The following BFSP2 variants were observed in gnomAD, a reference collection of about 807,000 sequenced individuals.
BFSP2 encodes the protein beaded filament structural protein 2.
In BFSP2, 38 loss-of-function variants were observed where a neutral mutation model predicts 44.9. The ratio of observed to expected loss-of-function variants is 0.85; its 90% CI spans 0.65 to 1.11. BFSP2 has a LOEUF of 1.11. BFSP2 is among the 50% of genes least tolerant of loss of function. The pLI, the probability that BFSP2 is intolerant of heterozygous loss-of-function variation, is 0.00. For missense variants in BFSP2, 525 were observed against 533.0 expected (o/e 0.99, Z 0.15); for synonymous variants, 197 against 209.9 (o/e 0.94, Z 0.53).
At chr3:133,439,431 G>C (rs1310264534) in intron 1 of BFSP2, among the ~76,000 whole-genome samples, 1 of 152,238 alleles carries the variant, frequency 6.6e-6, no homozygotes, top group Non-Finnish European at 1.5e-5. Context: ...ATGAGAGACT[G>C]TCCCTGATCC....
chr3:133,423,081 A>T (rs893980864), intron 1 of BFSP2, among the ~76,000 whole-genome samples: 6 of 152,186 alleles, frequency 3.9e-5, no homozygotes, highest in African/African-American at 1.4e-4. Flanking sequence ...ATTATTTCTG[A>T]ACCTAAAACC....
intron 1 of BFSP2, among the ~76,000 whole-genome samples, chr3:133,418,544 C>T (rs2073565581): frequency 6.6e-6 from 1 of 152,152 alleles, no homozygotes; most frequent in African/African-American, 2.4e-5. Flanking sequence ...AGGCCAGGAA[C>T]GTCTCCAGGG....
At chr3:133,432,317 T>C (rs1435124953) in intron 1 of BFSP2, among the ~76,000 whole-genome samples, 2 of 152,222 alleles carry the variant, frequency 1.3e-5, no homozygotes, top group African/African-American at 4.8e-5. Flanking sequence ...CGGTACACCC[T>C]TTCGTCCTCA....
intron 1 of BFSP2, among the ~76,000 whole-genome samples, chr3:133,413,535 G>T (rs1485664317): frequency 6.6e-6 from 1 of 152,078 alleles, no homozygotes; most frequent in Admixed American, 6.5e-5. Flanking sequence ...GTTACTCAGG[G>T]TCCCCAGCGC....
chr3:133,400,665 A>T lies in BFSP2; in HGVS notation c.489+93A>T. ...GGTTGTGAGTAGGCTGAGGCCAGAG[A>T]AACTGACCATAATCCCCTACACTTT... On this transcript the variant is annotated intron_variant, in intron 1 of 6. Coordinates refer to ENST00000302334, the MANE Select transcript of BFSP2 (RefSeq NM_003571.4). The surrounding 1 kb of genome is among the most constrained non-coding windows in gnomAD (Gnocchi z 4.0). 6.6e-7 allele frequency: 1 copy of T among 1,519,200 alleles called. No individual in the cohort carries two copies. Among genetic ancestry groups the T allele is most frequent in the Non-Finnish European group, 8.9e-7 (1 of 1,124,022 alleles). The allele number at this position is 1,519,200 out of a possible 1,614,324, so 94.1% of individuals were successfully genotyped here. A position where few individuals can be genotyped will look rare whatever the true frequency, so the allele number is the denominator to read the frequency against.
chr3:133,435,659 G>C (rs1170956326), intron 1 of BFSP2, among the ~76,000 whole-genome samples: 1 of 152,194 alleles, frequency 6.6e-6, no homozygotes, highest in Non-Finnish European at 1.5e-5. Flanking sequence ...TGAACCAATG[G>C]ATATGTTTAT....
intron 1 of BFSP2, among the ~76,000 whole-genome samples, chr3:133,434,744 T>C (rs374012073): frequency 1.3e-5 from 2 of 152,308 alleles, no homozygotes; most frequent in African/African-American, 4.8e-5. Context: ...TCCTGGCTCA[T>C]CCTGGCTCAA....
chr3:133,475,203 C>T lies in BFSP2; in HGVS notation c.*231C>T, dbSNP rs1158206020. 28 of 626,198 alleles carry T rather than the reference C, an allele frequency of 4.5e-5. 1 individual carries two copies. In the East Asian group the frequency reaches 5.5e-4, roughly 12 times the overall value. 38.8% of individuals were successfully genotyped at this position (626,198 alleles called of 1,614,324 possible). On this transcript the variant is annotated 3_prime_UTR_variant, in exon 7 of 7. Coordinates refer to ENST00000302334, the MANE Select transcript of BFSP2 (RefSeq NM_003571.4). ...CTTCAAATAAATGCTTTGTGCGCAG[C>T]GTCCAGTTTGCCCACCTTGTTCAAC...
At position 133,400,679 on chromosome 3, in the gene BFSP2, C is replaced by A; in HGVS notation, c.489+107C>A. On this transcript the variant is annotated intron_variant, in intron 1 of 6. Transcript: ENST00000302334. The surrounding 1 kb of genome is among the most constrained non-coding windows in gnomAD (Gnocchi z 4.0). ...TGAGGCCAGAGAAACTGACCATAAT[C>A]CCCTACACTTTCACACTTAAAATGG... The A allele has an allele frequency of 1.4e-6, 2 of 1,479,642 alleles. No individual in the cohort carries two copies. Among genetic ancestry groups the A allele is most frequent in the Non-Finnish European group, 1.8e-6 (2 of 1,095,770 alleles). 91.7% of individuals were successfully genotyped at this position (1,479,642 alleles called of 1,614,324 possible). A position where few individuals can be genotyped will look rare whatever the true frequency, so the allele number is the denominator to read the frequency against.
At chr3:133,472,288 C>G in intron 5 of BFSP2, 57 bp from the exon 6 acceptor site, 1 of 1,547,816 alleles carries the variant, frequency 6.5e-7, no homozygotes, top group Non-Finnish European at 8.7e-7. Flanking sequence ...GCACACCTCC[C>G]TCTTCAAGGG....
intron 1 of BFSP2, among the ~76,000 whole-genome samples, chr3:133,414,473 T>C (rs2699876): frequency 0.054 from 552 of 10,168 alleles, no homozygotes; most frequent in Middle Eastern, 0.14. Context: ...CTGCCCTCTC[T>C]CCTCTACTCA....
intron 4 of BFSP2, among the ~76,000 whole-genome samples, chr3:133,460,739 G>A (rs894720172): frequency 3.3e-5 from 5 of 152,186 alleles, no homozygotes; most frequent in Admixed American, 6.5e-5. Flanking sequence ...ATTCCCACGG[G>A]ACCATTGTTT....
At chr3:133,418,908 G>C (rs1378562113) in intron 1 of BFSP2, among the ~76,000 whole-genome samples, 1 of 152,186 alleles carries the variant, frequency 6.6e-6, no homozygotes, top group African/African-American at 2.4e-5. Flanking sequence ...AACATACGGG[G>C]CTACCTAGGA....
intron 1 of BFSP2, among the ~76,000 whole-genome samples, chr3:133,403,945 G>C (rs2073382970): frequency 6.6e-6 from 1 of 152,124 alleles, no homozygotes; most frequent in African/African-American, 2.4e-5. Flanking sequence ...AAACTAGGGT[G>C]CCAGGAGGGC....
chr3:133,436,325 CAAAAA>C (rs57060416), intron 1 of BFSP2, among the ~76,000 whole-genome samples: 980 of 78,100 alleles, frequency 0.013, 14 homozygotes, highest in East Asian at 0.11. Flanking sequence ...GACTCTGTCT[CAAAAA>C]AAAAAAAAAA....
At chr3:133,404,838 C>T (rs2073391090) in intron 1 of BFSP2, 1 of 152,214 alleles carries the variant, frequency 6.6e-6, no homozygotes, top group African/African-American at 2.4e-5. Context: ...AAACCTCTCT[C>T]CTCCCACTCC....
rs574282785 is a variant in BFSP2, at chr3:133,462,668, T to A, written c.892-4160T>A. Reference sequence around the variant, plus strand: ...ATGTAACAATTCCCACTGATTTTTTTATATATAATTTTAGAAATAACACAA... The same window carrying A: ...ATGTAACAATTCCCACTGATTTTTTAATATATAATTTTAGAAATAACACAA... On this transcript the variant is annotated intron_variant, in intron 4 of 6. Coordinates refer to ENST00000302334, the MANE Select transcript of BFSP2 (RefSeq NM_003571.4). Among the ~76,000 whole-genome samples the A allele has an allele frequency of 3.3e-5, 5 of 152,378 alleles. No homozygotes were observed. The South Asian group carries it at 1.0e-3, about 32-fold the overall frequency.
chr3:133,453,218 G>A (rs1350288632), intron 4 of BFSP2, among the ~76,000 whole-genome samples: 5 of 152,180 alleles, frequency 3.3e-5, no homozygotes, highest in African/African-American at 1.2e-4. Flanking sequence ...GTGCCCTCAG[G>A]GGCTGACATT....
At chr3:133,418,627 G>A (rs767594432) in intron 1 of BFSP2, among the ~76,000 whole-genome samples, 1 of 152,214 alleles carries the variant, frequency 6.6e-6, no homozygotes, top group East Asian at 1.9e-4. Flanking sequence ...AATGGGCACA[G>A]GCACTCTGGG....
Sources: gnomAD v4.1 joint callset for allele counts (sites outside exome capture counted in the v4.1 genomes callset) on GRCh38, gnomAD v4.1.1 for gene constraint, Gnocchi (gnomAD v3.1) non-coding constraint, MANE v1.5 for transcripts, NCBI Gene and HGNC (gene_info 2026-07-23, HGNC 2026-07-21) for gene names.